The following EPHA6 variants were observed in gnomAD, a reference collection of about 807,000 sequenced individuals.
EPHA6 encodes the protein EPH receptor A6.
A neutral mutation model predicts 112.0 loss-of-function variants in EPHA6; 50 were observed. The ratio of observed to expected loss-of-function variants is 0.45; its 90% CI spans 0.36 to 0.56. EPHA6 has a LOEUF of 0.56. Ranked by LOEUF, EPHA6 falls within the 20% of genes least tolerant of loss-of-function variation. The pLI is 0.00. For missense variants in EPHA6, 1,280 were observed against 1,417.4 expected, an observed-to-expected ratio of 0.90 and a Z score of 1.56; for synonymous variants, 529 against 490.7, an observed-to-expected ratio of 1.08 and a Z score of -1.03.
At chr3:97,303,404 C>T (rs74901768) in intron 5 of EPHA6, among the ~76,000 whole-genome samples, 1 of 151,634 alleles carries the variant, frequency 6.6e-6, no homozygotes, top group African/African-American at 2.4e-5. Flanking sequence ...TGTATTAGTC[C>T]GAGTTTTCCA....
intron 13 of EPHA6, among the ~76,000 whole-genome samples, chr3:97,634,442 A>C (rs951997398): frequency 1.3e-5 from 2 of 151,938 alleles, no homozygotes; most frequent in Non-Finnish European, 2.9e-5. Flanking sequence ...ATAAATAGAC[A>C]GAAGATTGTA....
chr3:97,227,094 T>C (rs1282364176), intron 4 of EPHA6, among the ~76,000 whole-genome samples: 1 of 152,182 alleles, frequency 6.6e-6, no homozygotes, highest in Non-Finnish European at 1.5e-5. Context: ...AAAGTGAATA[T>C]ATTAATACAT....
At chr3:97,489,336 T>C (rs536311208) in intron 10 of EPHA6, among the ~76,000 whole-genome samples, 1 of 152,362 alleles carries the variant, frequency 6.6e-6, no homozygotes, top group East Asian at 1.9e-4. Flanking sequence ...TGAAATTTTA[T>C]TTTTGTTACT....
At chr3:97,518,248 TTTG>T (rs1310317415) in intron 10 of EPHA6, among the ~76,000 whole-genome samples, 2 of 152,150 alleles carry the variant, frequency 1.3e-5, no homozygotes, top group Admixed American at 6.6e-5. Flanking sequence ...CTCATGAACA[TTTG>T]TTATCTTTTG....
rs139398363 is a variant in EPHA6 at position 97,326,458 on chromosome 3, G to A, written c.1607-78692G>A. On this transcript the variant is annotated intron_variant, in intron 5 of 17. Transcript: ENST00000389672. The stretch of plus-strand genomic sequence containing the variant: ...TAGCTTAGTAGTGATTAAGCAAGGG[G>A]GAAAATGACTTAATCATGAAAATAA... Among the ~76,000 whole-genome samples the A allele has an allele frequency of 5.1e-3, 769 of 151,644 alleles. 4 individuals carry two copies. The highest frequency in any genetic ancestry group is 0.017 in the African/African-American group (712 of 41,358).
At chr3:96,841,156 G>A (rs1270959479) in intron 1 of EPHA6, among the ~76,000 whole-genome samples, 3 of 152,086 alleles carry the variant, frequency 2.0e-5, no homozygotes, top group South Asian at 2.1e-4. Context: ...GGAACAACTC[G>A]AGGTGAAGGC....
intron 14 of EPHA6, among the ~76,000 whole-genome samples, chr3:97,713,899 T>C (rs1427208261): frequency 6.6e-6 from 1 of 152,222 alleles, no homozygotes; most frequent in Non-Finnish European, 1.5e-5. Flanking sequence ...GAATGCAATT[T>C]GTCTCCAGTC....
At chr3:96,912,151 C>CA (rs375882208) in intron 2 of EPHA6, among the ~76,000 whole-genome samples, 3 of 152,026 alleles carry the variant, frequency 2.0e-5, no homozygotes, top group Non-Finnish European at 4.4e-5. Flanking sequence ...TACAGCATTA[C>CA]AAAATGGTTA....
intron 3 of EPHA6, among the ~76,000 whole-genome samples, chr3:97,054,678 TAAGA>T (rs1480351440): frequency 6.6e-6 from 1 of 150,678 alleles, no homozygotes; most frequent in Non-Finnish European, 1.5e-5. Flanking sequence ...CAATCAATAA[TAAGA>T]AAGAAATATT....
At position 97,597,748 on chromosome 3, in the gene EPHA6, C is replaced by G. The variant is rs1476410170; in HGVS notation, c.2512+5011C>G. The stretch of plus-strand genomic sequence containing the variant: ...GAAGTCAGGGAAAATATTGTATTCA[C>G]TATTATACAGTCAAAAATATTTTTA... On this transcript the variant is annotated intron_variant, in intron 12 of 17. Coordinates refer to ENST00000389672, the MANE Select transcript of EPHA6 (RefSeq NM_001080448.3). Among the ~76,000 whole-genome samples, 3 of 152,212 alleles carry G rather than the reference C, an allele frequency of 2.0e-5. No individual in the cohort carries two copies. In the East Asian group the frequency reaches 5.8e-4, roughly 29 times the overall value.
chr3:97,385,015 C>T (rs1180433110), intron 5 of EPHA6, among the ~76,000 whole-genome samples: 2 of 152,114 alleles, frequency 1.3e-5, no homozygotes, highest in Non-Finnish European at 2.9e-5. Flanking sequence ...TTCATCATGG[C>T]TGATTTAAAG....
At chr3:97,683,554 G>C (rs1376967004) in intron 14 of EPHA6, among the ~76,000 whole-genome samples, 1 of 152,124 alleles carries the variant, frequency 6.6e-6, no homozygotes, top group Admixed American at 6.6e-5. Flanking sequence ...ATTTTACAGA[G>C]AGGAGAGTGG....
chr3:97,506,673 T>C (rs2092259940), intron 10 of EPHA6, among the ~76,000 whole-genome samples: 1 of 151,692 alleles, frequency 6.6e-6, no homozygotes, highest in Non-Finnish European at 1.5e-5. Flanking sequence ...AGGCTCTTTT[T>C]TAATTCCACG....
intron 11 of EPHA6, among the ~76,000 whole-genome samples, chr3:97,550,122 A>T (rs941360736): frequency 1.3e-5 from 2 of 152,206 alleles, no homozygotes; most frequent in African/African-American, 4.8e-5. Context: ...GGCCAAGTCA[A>T]TTCCAGGTTT....
chr3:97,554,962 G>T (rs992915363), intron 11 of EPHA6, among the ~76,000 whole-genome samples: 4 of 151,336 alleles, frequency 2.6e-5, no homozygotes, highest in Non-Finnish European at 5.9e-5. Flanking sequence ...TAAGTTTTAG[G>T]TTACATGTGT....
intron 5 of EPHA6, among the ~76,000 whole-genome samples, chr3:97,380,790 A>C (rs1170396919): frequency 6.6e-6 from 1 of 152,164 alleles, no homozygotes; most frequent in South Asian, 2.1e-4. Flanking sequence ...TGTAATAGTG[A>C]AAAACTTTTA....
intron 2 of EPHA6, among the ~76,000 whole-genome samples, chr3:96,968,371 T>C (rs1023346307): frequency 1.4e-5 from 2 of 146,970 alleles, no homozygotes; most frequent in Admixed American, 6.9e-5. Context: ...TAAACTACCA[T>C]AGAGAAAATG....
At chr3:97,213,246 A>G (rs1362936987) in intron 3 of EPHA6, among the ~76,000 whole-genome samples, 1 of 152,168 alleles carries the variant, frequency 6.6e-6, no homozygotes, top group Non-Finnish European at 1.5e-5. Flanking sequence ...CCCTTCTGCA[A>G]CTACATTCAC....
chr3:97,654,494 T>G (rs2094126041), intron 14 of EPHA6, among the ~76,000 whole-genome samples: 1 of 151,930 alleles, frequency 6.6e-6, no homozygotes, highest in Non-Finnish European at 1.5e-5. Flanking sequence ...TAATCTCAGA[T>G]AGTGATAAAT....
Sources: allele counts gnomAD v4.1 joint callset (sites outside exome capture counted in the v4.1 genomes callset), GRCh38; gene constraint gnomAD v4.1.1; transcripts MANE v1.5; gene names NCBI Gene and HGNC (gene_info 2026-07-23, HGNC 2026-07-21).